Variants in MTSS1 observed in about 807,000 individuals in gnomAD.
MTSS1 encodes protein MTSS 1.
Under a neutral mutation model 79.0 loss-of-function variants are expected in MTSS1, and 18 were observed. The ratio of observed to expected loss-of-function variants is 0.23; its 90% CI spans 0.16 to 0.34. The LOEUF (loss-of-function observed/expected upper bound fraction) is 0.34, where lower values mean the gene tolerates loss of function less well. Among genes scored for constraint, MTSS1 ranks in the 10% least tolerant of loss-of-function variants. The probability of loss-of-function intolerance (pLI) is 1.00; values close to 1 mark genes in which losing one functional copy is unlikely to be tolerated. For synonymous variants in MTSS1, 341 were observed against 368.6 expected (o/e 0.93, Z 0.86); for missense variants, 815 against 986.2 (o/e 0.83, Z 2.33).
chr8:124,656,242 T>C (rs955543394), intron 3 of MTSS1, among the ~76,000 whole-genome samples: 2 of 152,150 alleles, frequency 1.3e-5, no homozygotes, highest in Non-Finnish European at 2.9e-5. Flanking sequence ...ACCAACTCTT[T>C]CCTTTAGGAA....
chr8:124,594,156 G>A (rs1210304352), intron 3 of MTSS1, among the ~76,000 whole-genome samples: 1 of 152,158 alleles, frequency 6.6e-6, no homozygotes, highest in East Asian at 1.9e-4. Context: ...CTGCTTCACT[G>A]CTTCTGTCAC....
At position 124,553,146 on chromosome 8, in the gene MTSS1, G is replaced by A. The variant is rs776642168; in HGVS notation, c.2114C>T (p.Ala705Val). The change falls in exon 14 of 14, where the codon GCC becomes GTC. Residue 705 changes from alanine to valine, a missense_variant. Ala to Val is a moderately conservative substitution (Grantham distance 64, BLOSUM62 0). This residue lies in a region of MTSS1 where 590 missense variants were observed against 620.8 expected (regional missense o/e 0.95). Coordinates refer to ENST00000518547, the MANE Select transcript of MTSS1 (RefSeq NM_014751.6). The surrounding 1 kb of genome is among the most constrained non-coding windows in gnomAD (Gnocchi z 6.0). ...AEDQEREPPSATVSPGQIPES... is the reference protein window; with the variant it reads ...AEDQEREPPSVTVSPGQIPES... ...TGGAATCTGGCCTGGGGAGACAGTG[G>A]CACTTGGGGGTTCCCGTTCCTGGTC... 2 of 1,614,156 alleles carry A rather than the reference G, an allele frequency of 1.2e-6. No individual in the cohort carries two copies. Among genetic ancestry groups the A allele is most frequent in the South Asian group, 2.2e-5 (2 of 91,082 alleles).
chr8:124,640,517 C>A (rs1218661100), intron 3 of MTSS1, among the ~76,000 whole-genome samples: 1 of 152,112 alleles, frequency 6.6e-6, no homozygotes, highest in Non-Finnish European at 1.5e-5. Context: ...TCACTACTTA[C>A]AAAGTAGAAA....
chr8:124,709,631 C>T (rs1424571191), intron 1 of MTSS1, among the ~76,000 whole-genome samples: 1 of 151,880 alleles, frequency 6.6e-6, no homozygotes, highest in Non-Finnish European at 1.5e-5. Flanking sequence ...TCAGATTACA[C>T]TGGGTTCTAA....
chr8:124,668,460 T>G (rs1823531557), intron 3 of MTSS1, among the ~76,000 whole-genome samples: 2 of 152,160 alleles, frequency 1.3e-5, no homozygotes, highest in South Asian at 2.1e-4. Flanking sequence ...CCTTTCTCGT[T>G]CATGCCCCTA....
chr8:124,600,764 G>GGCA (rs1471133164), intron 3 of MTSS1, among the ~76,000 whole-genome samples: 2 of 152,180 alleles, frequency 1.3e-5, no homozygotes, highest in African/African-American at 4.8e-5. Context: ...CAGTGCAAAG[G>GGCA]GCAGCTTTCA....
chr8:124,644,279 C>A (rs1204725457), intron 3 of MTSS1, among the ~76,000 whole-genome samples: 4 of 152,238 alleles, frequency 2.6e-5, no homozygotes, highest in Non-Finnish European at 4.4e-5. Context: ...TTATCTCTGT[C>A]TTCTTTGATC....
intron 3 of MTSS1, among the ~76,000 whole-genome samples, chr8:124,673,741 G>C: frequency 6.6e-6 from 1 of 152,244 alleles, no homozygotes; most frequent in Non-Finnish European, 1.5e-5. Flanking sequence ...GTGTCGAGCA[G>C]AGGAAAGCAC....
chr8:124,556,437 G>T, intron 11 of MTSS1, 32 bp from the exon 12 acceptor site: 1 of 1,576,688 alleles, frequency 6.3e-7, no homozygotes, highest in Non-Finnish European at 8.6e-7. Flanking sequence ...AGGAGCCAGG[G>T]CCTCTGCCTC....
Position 124,552,750 on chromosome 8 carries a change from G to A in MTSS1, c.*242C>T. ...TTGGCACCTTCAGAAAAATCAAAAGGGAAACTAAGATTAAAATGTGCAGAA... is the reference window on the plus strand; with the variant it reads ...TTGGCACCTTCAGAAAAATCAAAAGAGAAACTAAGATTAAAATGTGCAGAA... On this transcript the variant is annotated 3_prime_UTR_variant, in exon 14 of 14. Coordinates refer to ENST00000518547, the MANE Select transcript of MTSS1 (RefSeq NM_014751.6). 1 of 454,344 alleles carries A rather than the reference G, an allele frequency of 2.2e-6. No individual in the cohort carries two copies. The allele number at this position is 454,344 out of a possible 1,614,324, so 28.1% of individuals were successfully genotyped here. A position where few individuals can be genotyped will look rare whatever the true frequency, so the allele number is the denominator to read the frequency against.
intron 4 of MTSS1, among the ~76,000 whole-genome samples, chr8:124,590,931 G>T (rs1027154421): frequency 6.6e-6 from 1 of 152,256 alleles, no homozygotes; most frequent in African/African-American, 2.4e-5. Flanking sequence ...CAGGAGCACA[G>T]GCTCTGTGAA....
chr8:124,687,648 A>G (rs936658288), intron 3 of MTSS1, among the ~76,000 whole-genome samples: 4 of 152,216 alleles, frequency 2.6e-5, no homozygotes, highest in Admixed American at 2.0e-4. Context: ...GGACTCCACC[A>G]GAGTCAGCGG....
intron 2 of MTSS1, among the ~76,000 whole-genome samples, chr8:124,702,876 C>T (rs549583623): frequency 6.6e-6 from 1 of 152,230 alleles, no homozygotes; most frequent in East Asian, 1.9e-4. Flanking sequence ...ATCCCTTCAC[C>T]ACAATGATTT....
intron 3 of MTSS1, among the ~76,000 whole-genome samples, chr8:124,609,581 G>A (rs560497979): frequency 1.3e-5 from 2 of 152,300 alleles, no homozygotes; most frequent in South Asian, 4.1e-4. Context: ...TTGCAAATAG[G>A]ATGGGATGCC....
intron 3 of MTSS1, among the ~76,000 whole-genome samples, chr8:124,592,292 G>A (rs16899822): frequency 0.021 from 3,200 of 152,278 alleles, 120 homozygotes; most frequent in African/African-American, 0.073. Flanking sequence ...TTACTGGGGC[G>A]TGGGAGAGCA....
intron 3 of MTSS1, among the ~76,000 whole-genome samples, chr8:124,656,341 G>A (rs1228164273): frequency 6.6e-6 from 1 of 152,152 alleles, no homozygotes; most frequent in Non-Finnish European, 1.5e-5. Context: ...AAGTTCTTAA[G>A]AGAGCTAAAT....
rs2135940925 is a variant in MTSS1, at chr8:124,728,356, T to A, written c.-401A>T. On this transcript the variant is annotated 5_prime_UTR_variant, in exon 1 of 14. Coordinates refer to ENST00000518547, the MANE Select transcript of MTSS1 (RefSeq NM_014751.6). The surrounding 1 kb of genome is among the most constrained non-coding windows in gnomAD (Gnocchi z 6.1). ...TCCAATTTAATAAATTTTTCTGCAA[T>A]TAAAAAAAAATCGCCCAACAGCAGA... 1 of 155,450 alleles carries A rather than the reference T, an allele frequency of 6.4e-6. No homozygotes were observed. The highest frequency in any genetic ancestry group is 2.1e-4 in the South Asian group (1 of 4,858). 9.6% of individuals were successfully genotyped at this position (155,450 alleles called of 1,614,324 possible). A position where few individuals can be genotyped will look rare whatever the true frequency, so the allele number is the denominator to read the frequency against.
At chr8:124,617,958 T>A (rs921184448) in intron 3 of MTSS1, among the ~76,000 whole-genome samples, 4 of 152,172 alleles carry the variant, frequency 2.6e-5, no homozygotes, top group African/African-American at 9.7e-5. Flanking sequence ...ACGCCCTGAC[T>A]CTATTTTTGG....
intron 3 of MTSS1, chr8:124,699,096 T>C (rs1393472911): frequency 5.6e-6 from 1 of 177,546 alleles, no homozygotes; most frequent in African/African-American, 2.4e-5. Context: ...GAGATCCTTA[T>C]TTTAAAAGGG....
Sources: allele counts gnomAD v4.1 joint callset (sites outside exome capture counted in the v4.1 genomes callset), GRCh38; gene constraint gnomAD v4.1.1; regional missense constraint gnomAD v4.1.1; non-coding constraint Gnocchi (gnomAD v3.1); transcripts MANE v1.5; gene names NCBI Gene and HGNC (gene_info 2026-07-23, HGNC 2026-07-21).